The following DACH1 variants were observed in gnomAD, a reference collection of about 807,000 sequenced individuals.
DACH1 encodes dachshund homolog 1.
A neutral mutation model predicts 54.2 loss-of-function variants in DACH1; 12 were observed. The observed-to-expected ratio is 0.22, with a 90% confidence interval of 0.14 to 0.36. The LOEUF is 0.36. DACH1 is among the 10% of genes least tolerant of loss of function. DACH1 has a pLI of 1.00. For missense variants in DACH1, 805 were observed against 929.8 expected (o/e 0.87, Z 1.75); for synonymous variants, 386 against 366.2 (o/e 1.05, Z -0.62).
intron 10 of DACH1, chr13:71,464,824 A>G: frequency 2.5e-6 from 1 of 402,504 alleles, no homozygotes; most frequent in South Asian, 1.8e-5. Flanking sequence ...TCTCAAGACT[A>G]TGTTTAGTAT....
intron 2 of DACH1, among the ~76,000 whole-genome samples, chr13:71,654,961 T>C (rs1351068346): frequency 1.3e-5 from 2 of 152,230 alleles, no homozygotes; most frequent in East Asian, 3.8e-4. Flanking sequence ...TTGTACAGAC[T>C]TATGATTCTA....
chr13:71,686,474 G>A (rs1424236793), intron 1 of DACH1, among the ~76,000 whole-genome samples: 5 of 152,056 alleles, frequency 3.3e-5, no homozygotes, highest in Non-Finnish European at 5.9e-5. Flanking sequence ...TCCTACAACT[G>A]TATAATGTTT....
At chr13:71,619,636 G>C (rs1876058139) in intron 3 of DACH1, among the ~76,000 whole-genome samples, 1 of 151,654 alleles carries the variant, frequency 6.6e-6, no homozygotes, top group Admixed American at 6.6e-5. Context: ...AAATAATTAA[G>C]AAAACAGATT....
intron 3 of DACH1, among the ~76,000 whole-genome samples, chr13:71,598,791 C>A (rs904290822): frequency 6.6e-6 from 1 of 152,118 alleles, no homozygotes; most frequent in African/African-American, 2.4e-5. Flanking sequence ...TTTAATAGTT[C>A]TACTTGCAAG....
At chr13:71,512,893 TAAAGATTATACATTTTTAA>T (rs1880888470) in intron 6 of DACH1, among the ~76,000 whole-genome samples, 1 of 151,886 alleles carries the variant, frequency 6.6e-6, no homozygotes, top group African/African-American at 2.4e-5. Context: ...AATCTTTTTT[TAAAGATTATACATTTTTAA>T]AAAGATTATA....
intron 1 of DACH1, among the ~76,000 whole-genome samples, chr13:71,817,544 T>A (rs931999797): frequency 2.6e-5 from 4 of 152,192 alleles, no homozygotes; most frequent in Admixed American, 1.3e-4. Context: ...GCTAGTCACA[T>A]GTAGCTAGTG....
At chr13:71,681,409 G>A (rs186573555) in intron 2 of DACH1, among the ~76,000 whole-genome samples, 19 of 152,284 alleles carry the variant, frequency 1.2e-4, no homozygotes, top group Admixed American at 1.2e-3. Flanking sequence ...TTTCTGGAAT[G>A]CTAAACAAGT....
chr13:71,759,331 A>T (rs1350793557), intron 1 of DACH1, among the ~76,000 whole-genome samples: 1 of 152,050 alleles, frequency 6.6e-6, no homozygotes, highest in Non-Finnish European at 1.5e-5. Context: ...TATTTTAAAT[A>T]TTGGTTTATA....
chr13:71,593,088 G>A (rs1392483208), intron 3 of DACH1, among the ~76,000 whole-genome samples: 1 of 152,124 alleles, frequency 6.6e-6, no homozygotes, highest in African/African-American at 2.4e-5. Flanking sequence ...GTTTTAAATA[G>A]AATGCTAGAT....
At chr13:71,783,998 A>G (rs1452424116) in intron 1 of DACH1, among the ~76,000 whole-genome samples, 3 of 151,288 alleles carry the variant, frequency 2.0e-5, no homozygotes, top group Non-Finnish European at 4.4e-5. Context: ...AAAACTAAAG[A>G]TAACAAAAGT....
intron 1 of DACH1, among the ~76,000 whole-genome samples, chr13:71,793,523 C>T (rs1163627924): frequency 1.3e-5 from 2 of 150,142 alleles, no homozygotes; most frequent in Non-Finnish European, 2.9e-5. Context: ...CCAGTGATAT[C>T]TCTCTCTATT....
At chr13:71,857,691 TAA>T (rs1433580359) in intron 1 of DACH1, among the ~76,000 whole-genome samples, 2 of 151,668 alleles carry the variant, frequency 1.3e-5, no homozygotes, top group Admixed American at 6.6e-5. Flanking sequence ...TTATGAAAAA[TAA>T]AAGTGTTCCA....
At chr13:71,475,642 G>T in intron 9 of DACH1, 64 bp downstream of exon 9, 1 of 1,528,662 alleles carries the variant, frequency 6.5e-7, no homozygotes, top group South Asian at 1.2e-5. Context: ...ACAAACACAT[G>T]CCTAAACTGT....
At chr13:71,547,829 T>C (rs1883556575) in intron 6 of DACH1, among the ~76,000 whole-genome samples, 1 of 152,180 alleles carries the variant, frequency 6.6e-6, no homozygotes, top group Non-Finnish European at 1.5e-5. Context: ...TTGGCTATTA[T>C]TTACAAGCCC....
intron 3 of DACH1, among the ~76,000 whole-genome samples, chr13:71,592,732 T>C (rs562928645): frequency 1.3e-5 from 2 of 152,190 alleles, no homozygotes; most frequent in South Asian, 4.1e-4. Flanking sequence ...TGATAAATTC[T>C]GGAAATCCAA....
intron 10 of DACH1, among the ~76,000 whole-genome samples, chr13:71,473,823 G>A (rs1393648351): frequency 6.6e-6 from 1 of 152,094 alleles, no homozygotes; most frequent in Non-Finnish European, 1.5e-5. Context: ...GCCCCTGCAT[G>A]TACACATTGG....
chr13:71,859,587 G>A (rs1336291048), intron 1 of DACH1, among the ~76,000 whole-genome samples: 3 of 151,690 alleles, frequency 2.0e-5, no homozygotes, highest in African/African-American at 7.3e-5. Context: ...CTAATCATTA[G>A]CTGCCTAAAA....
chr13:71,604,550 G>A (rs144125430), intron 3 of DACH1, among the ~76,000 whole-genome samples: 16 of 151,978 alleles, frequency 1.1e-4, no homozygotes, highest in African/African-American at 3.4e-4. Context: ...TAGAAATTAC[G>A]GCTTTATAAG....
chr13:71,815,599 A>G (rs908828322), intron 1 of DACH1, among the ~76,000 whole-genome samples: 6 of 152,208 alleles, frequency 3.9e-5, no homozygotes, highest in African/African-American at 1.4e-4. Flanking sequence ...TGTTTTTGGA[A>G]CACTGATTTG....
Sources: gnomAD v4.1 joint callset for allele counts (sites outside exome capture counted in the v4.1 genomes callset) on GRCh38, gnomAD v4.1.1 for gene constraint, MANE v1.5 for transcripts, NCBI Gene and HGNC (gene_info 2026-07-23, HGNC 2026-07-21) for gene names.